Variants in SNRNP40 observed in about 807,000 individuals in gnomAD.
The protein encoded by SNRNP40 is small nuclear ribonucleoprotein U5 subunit 40.
SNRNP40 carries 21 observed loss-of-function variants against 45.8 expected under a neutral mutation model. The observed-to-expected ratio is 0.46, with a 90% CI of 0.32 to 0.66. The LOEUF is 0.66. Among genes scored for constraint, SNRNP40 ranks in the 30% least tolerant of loss-of-function variants. The probability of loss-of-function intolerance (pLI) is 0.03; values close to 1 mark genes in which losing one functional copy is unlikely to be tolerated. For synonymous variants in SNRNP40, 142 were observed against 163.8 expected, an observed-to-expected ratio of 0.87 and a Z score of 1.01; for missense variants, 344 against 439.1, an observed-to-expected ratio of 0.78 and a Z score of 1.94.
chr1:31,265,131 T>G (rs1428735754), intron 8 of SNRNP40, among the ~76,000 whole-genome samples: 1 of 32,584 alleles, frequency 3.1e-5, no homozygotes, highest in Non-Finnish European at 1.1e-4. Flanking sequence ...TGTGATTTTG[T>G]TTTTTTTTAA....
chr1:31,278,190 T>C (rs1645989603), intron 5 of SNRNP40, among the ~76,000 whole-genome samples: 1 of 152,204 alleles, frequency 6.6e-6, no homozygotes, highest in South Asian at 2.1e-4. Context: ...TGAGGCTAGC[T>C]TCTTTTATTT....
intron 4 of SNRNP40, among the ~76,000 whole-genome samples, chr1:31,287,068 G>A (rs1646064958): frequency 6.6e-6 from 1 of 152,158 alleles, no homozygotes; most frequent in Non-Finnish European, 1.5e-5. Context: ...AAGTGCTGTT[G>A]GAAACCTTTG....
intron 1 of SNRNP40, among the ~76,000 whole-genome samples, chr1:31,293,981 C>CA (rs1646124230): frequency 6.6e-6 from 1 of 151,878 alleles, no homozygotes; most frequent in Non-Finnish European, 1.5e-5. Flanking sequence ...TGTTTTGAGA[C>CA]AGAGTTTTGC....
Position 31,287,206 on chromosome 1 carries a change from C to A in SNRNP40, c.531+2048G>T, listed in dbSNP as rs886534488. ...AAGAACACAAAGCATTCCAACTTCA[C>A]AAGTAACTGAAAAGTACATTGCAAA... is the stretch of plus-strand genomic sequence containing the variant. On this transcript the variant is annotated intron_variant, in intron 4 of 9. Transcript: ENST00000263694. 2.0e-5 allele frequency among the ~76,000 whole-genome samples: 3 copies of A among 152,174 alleles called. No individual in the cohort carries two copies. The East Asian group carries it at 5.8e-4, about 29-fold the overall frequency.
intron 5 of SNRNP40, among the ~76,000 whole-genome samples, chr1:31,275,385 TAAC>T (rs1645967730): frequency 6.6e-6 from 1 of 151,984 alleles, no homozygotes; most frequent in African/African-American, 2.4e-5. Flanking sequence ...CCTCTGCATG[TAAC>T]AACAGGGTAT....
At chr1:31,295,445 A>G (rs1646140558) in intron 1 of SNRNP40, among the ~76,000 whole-genome samples, 1 of 152,254 alleles carries the variant, frequency 6.6e-6, no homozygotes, top group African/African-American at 2.4e-5. Flanking sequence ...TGAAAAAATT[A>G]CATTTGGGCA....
chr1:31,291,261 C>T (rs1432697698), intron 3 of SNRNP40, among the ~76,000 whole-genome samples: 1 of 125,904 alleles, frequency 7.9e-6, no homozygotes, highest in Admixed American at 9.7e-5. Flanking sequence ...GCACTCCAGC[C>T]TGGGCAACAA....
intron 3 of SNRNP40, among the ~76,000 whole-genome samples, chr1:31,290,399 T>C (rs962703063): frequency 2.0e-5 from 3 of 152,176 alleles, no homozygotes; most frequent in Non-Finnish European, 2.9e-5. Flanking sequence ...CCTAAGATTT[T>C]AGAGGTCAGA....
At chr1:31,269,059 C>T in intron 7 of SNRNP40, 99 bp downstream of exon 7, 13 of 1,060,568 alleles carry the variant, frequency 1.2e-5, no homozygotes, top group Non-Finnish European at 1.7e-5. Context: ...GGAATGAAGT[C>T]CATTCTTAGC....
intron 8 of SNRNP40, among the ~76,000 whole-genome samples, chr1:31,267,323 G>C (rs1173859860): frequency 6.6e-6 from 1 of 152,082 alleles, no homozygotes; most frequent in African/African-American, 2.4e-5. Flanking sequence ...GATGGCAAAG[G>C]GAACCCAACA....
At chr1:31,295,201 C>T (rs932051731) in intron 1 of SNRNP40, among the ~76,000 whole-genome samples, 2 of 151,420 alleles carry the variant, frequency 1.3e-5, no homozygotes, top group African/African-American at 4.8e-5. Flanking sequence ...CCTGTCTCTA[C>T]AAAAAAATAC....
chr1:31,285,040 C>T lies in SNRNP40; in HGVS notation c.532-3544G>A, dbSNP rs1006300485. Among the ~76,000 whole-genome samples the T allele has an allele frequency of 5.3e-5, 8 of 152,222 alleles. No individual in the cohort carries two copies. The South Asian group carries it at 1.2e-3, about 24-fold the overall frequency. ...AATAGATACTTCACTCAGGTCAAAT[C>T]TATCTTTGTCTTTCTCCTAAAAGTC... On this transcript the variant is annotated intron_variant, in intron 4 of 9. Transcript: ENST00000263694.
intron 4 of SNRNP40, chr1:31,282,497 ATCT>A (rs1447458035): frequency 2.0e-5 from 3 of 151,504 alleles, no homozygotes; most frequent in African/African-American, 7.3e-5. Flanking sequence ...CTATCTATCT[ATCT>A]ATCTATCTAT....
Position 31,267,907 on chromosome 1 carries a change from G to A in SNRNP40, c.884C>T (p.Pro295Leu). ...EKNLLRCSWS[P>L]DGSKIAAGSA... Reference sequence around the variant, plus strand: ...GCCAGCTGCTATTTTGCTTCCATCAGGTGACCAAGAACATCTCAGAAGGTT... The same window carrying A: ...GCCAGCTGCTATTTTGCTTCCATCAAGTGACCAAGAACATCTCAGAAGGTT... The change falls in exon 8 of 10, where the codon CCT (proline) becomes CTT (leucine). Residue 295 changes from proline (P) to leucine (L), a missense_variant. Transcript: ENST00000263694. The A allele has an allele frequency of 6.2e-7, 1 of 1,613,132 alleles. No homozygotes were observed. The highest frequency in any genetic ancestry group is 8.5e-7 in the Non-Finnish European group (1 of 1,179,272).
chr1:31,274,250 T>C (rs527303212), intron 5 of SNRNP40, among the ~76,000 whole-genome samples: 4 of 151,864 alleles, frequency 2.6e-5, no homozygotes, highest in African/African-American at 9.7e-5. Context: ...GATTAACTGA[T>C]TGATTGAGAC....
In SNRNP40 at chr1:31,269,682, T is replaced by C. The variant is rs139369595; in HGVS notation, c.776-442A>G. On this transcript the variant is annotated intron_variant, in intron 6 of 9. Transcript: ENST00000263694. ...TAATTTCCCTCATATGGGCACCTGA[T>C]AGTCTAAGACTGGACAAGGTCAGAT... 90 of 247,196 alleles carry C rather than the reference T, an allele frequency of 3.6e-4. 1 individual carries two copies. The South Asian group carries it at 0.011, about 30-fold the overall frequency. The allele number at this position is 247,196 out of a possible 1,614,324, so 15.3% of individuals were successfully genotyped here.
At chr1:31,294,765 C>T (rs1041233294) in intron 1 of SNRNP40, among the ~76,000 whole-genome samples, 2 of 151,858 alleles carry the variant, frequency 1.3e-5, no homozygotes, top group African/African-American at 4.8e-5. Context: ...CATGGTGAAA[C>T]TCCGTCTCTA....
chr1:31,260,224 T>G (rs1645849073), intron 9 of SNRNP40, 103 bp from the exon 10 acceptor site: 1 of 727,648 alleles, frequency 1.4e-6, no homozygotes, highest in Non-Finnish European at 2.3e-6. Context: ...AAAGAGCAAT[T>G]GGACTTAGCT....
At chr1:31,285,112 A>G (rs902419272) in intron 4 of SNRNP40, among the ~76,000 whole-genome samples, 3 of 152,240 alleles carry the variant, frequency 2.0e-5, no homozygotes, top group Non-Finnish European at 4.4e-5. Flanking sequence ...TTAGTTCCAG[A>G]TAACTACCAC....
Sources: gnomAD v4.1 joint callset for allele counts (sites outside exome capture counted in the v4.1 genomes callset) on GRCh38, gnomAD v4.1.1 for gene constraint, MANE v1.5 for transcripts, NCBI Gene and HGNC (gene_info 2026-07-23, HGNC 2026-07-21) for gene names.